CYP2C8: variants seen among roughly 807,000 people sequenced by gnomAD.
The protein encoded by CYP2C8 is cytochrome P450 family 2 subfamily C member 8.
Under a neutral mutation model 41.3 loss-of-function variants are expected in CYP2C8, and 51 were observed. That is an observed-to-expected ratio of 1.24 (90% CI 0.99 to 1.56). The LOEUF (loss-of-function observed/expected upper bound fraction) is 1.56, where lower values mean the gene tolerates loss of function less well. Ranked by LOEUF, CYP2C8 falls within the 40% of genes most tolerant of loss-of-function variation. The probability of loss-of-function intolerance (pLI) is 0.00; values close to 1 mark genes in which losing one functional copy is unlikely to be tolerated. For synonymous variants in CYP2C8, 218 were observed against 205.8 expected (o/e 1.06, Z -0.51); for missense variants, 651 against 579.9 (o/e 1.12, Z -1.26).
intron 5 of CYP2C8, among the ~76,000 whole-genome samples, chr10:95,053,564 C>T (rs1262597697): frequency 6.6e-6 from 1 of 152,150 alleles, no homozygotes; most frequent in African/African-American, 2.4e-5. Context: ...GGCACATATG[C>T]ACCATGGAGT....
rs2032891213 is a variant in CYP2C8, at chr10:95,036,838, T to C, written c.*290A>G. 2.5e-6 allele frequency: 1 copy of C among 398,630 alleles called. No homozygotes were observed. 24.7% of individuals were successfully genotyped at this position (398,630 alleles called of 1,614,324 possible). ...AAAAGAAATGGATCTAAATTATCAT[T>C]CATTAATCACTTTTCTGTGTTTTAC... is the stretch of plus-strand genomic sequence containing the variant. On this transcript the variant is annotated 3_prime_UTR_variant, in exon 9 of 9. Transcript: ENST00000371270.
intron 3 of CYP2C8, among the ~76,000 whole-genome samples, chr10:95,065,248 G>A (rs1287840551): frequency 6.6e-6 from 1 of 152,144 alleles, no homozygotes; most frequent in African/African-American, 2.4e-5. Flanking sequence ...GAAGGAAAAA[G>A]AAGACTTTTT....
chr10:95,042,445 AT>A (rs942013445), intron 7 of CYP2C8, among the ~76,000 whole-genome samples: 4 of 152,206 alleles, frequency 2.6e-5, no homozygotes, highest in Non-Finnish European at 5.9e-5. Context: ...AATATTAATT[AT>A]CTAGGAAAAA....
chr10:95,058,558 G>C, intron 4 of CYP2C8, 47 bp from the exon 5 acceptor site: 1 of 1,453,644 alleles, frequency 6.9e-7, no homozygotes, highest in Non-Finnish European at 9.5e-7. Flanking sequence ...TAAGATATAT[G>C]TATCTTACAC....
Position 95,067,299 on chromosome 10 carries a change from G to A in CYP2C8, c.390C>T (p.Thr130=), listed in dbSNP as rs923633609. 5 of 1,614,142 alleles carry A rather than the reference G, an allele frequency of 3.1e-6. No individual in the cohort carries two copies. Among genetic ancestry groups the A allele is most frequent in the East Asian group, 4.5e-5 (2 of 44,872 alleles). The part of the protein sequence containing the change: ...WKEIRRFSLT[T]LRNFGMGKRS... ...TCTTCCCCATCCCAAAATTCCGCAA[G>A]GTTGTGAGGGAGAAACGCCGGATCT... Residue 130 remains threonine, a synonymous_variant, in exon 3 of 9, where the codon ACC becomes ACT. Transcript: ENST00000371270.
intron 8 of CYP2C8, among the ~76,000 whole-genome samples, chr10:95,038,354 C>A (rs1043818854): frequency 3.3e-5 from 5 of 152,192 alleles, no homozygotes; most frequent in African/African-American, 1.2e-4. Flanking sequence ...AAGAAGCATG[C>A]AGAGTCCCCC....
At chr10:95,069,130 A>G in intron 1 of CYP2C8, 105 bp downstream of exon 1, 1 of 1,309,144 alleles carries the variant, frequency 7.6e-7, no homozygotes, top group Non-Finnish European at 1.1e-6. Flanking sequence ...TTGCTTTACA[A>G]TGATCTATTA....
chr10:95,061,618 G>GT (rs1254638581), intron 4 of CYP2C8, among the ~76,000 whole-genome samples: 14 of 152,128 alleles, frequency 9.2e-5, no homozygotes, highest in Admixed American at 3.3e-4. Flanking sequence ...TTTTTGAAGG[G>GT]TTTTTTGTGT....
intron 6 of CYP2C8, among the ~76,000 whole-genome samples, chr10:95,044,328 T>G (rs2033066509): frequency 6.6e-6 from 1 of 152,236 alleles, no homozygotes; most frequent in African/African-American, 2.4e-5. Context: ...GTTTGAATGC[T>G]GATATTTTAT....
chr10:95,054,395 G>C (rs2033272154), intron 5 of CYP2C8, among the ~76,000 whole-genome samples: 1 of 152,034 alleles, frequency 6.6e-6, no homozygotes, highest in South Asian at 2.1e-4. Flanking sequence ...GATATGAATA[G>C]AAGGGAAATT....
chr10:95,050,882 A>T (rs2033201826), intron 5 of CYP2C8, among the ~76,000 whole-genome samples: 1 of 152,010 alleles, frequency 6.6e-6, no homozygotes, highest in Admixed American at 6.6e-5. Context: ...GTACAAAAAA[A>T]ACCCCAGACT....
chr10:95,053,818 G>T (rs541333381), intron 5 of CYP2C8, among the ~76,000 whole-genome samples: 120 of 152,102 alleles, frequency 7.9e-4, no homozygotes, highest in African/African-American at 2.7e-3. Context: ...TAATTCATGC[G>T]GGGCTTAAAA....
At chr10:95,038,069 C>A (rs1051035973) in intron 8 of CYP2C8, among the ~76,000 whole-genome samples, 2 of 151,982 alleles carry the variant, frequency 1.3e-5, no homozygotes, top group African/African-American at 4.8e-5. Context: ...ATCTACAGTG[C>A]CAAATATAAA....
chr10:95,046,749 A>T (rs1045215658), intron 5 of CYP2C8, among the ~76,000 whole-genome samples: 4 of 13,296 alleles, frequency 3.0e-4, no homozygotes, highest in African/African-American at 2.0e-3. Context: ...TAAATATGGT[A>T]AAAAAAAAAA....
At chr10:95,063,562 A>T (rs1296192105) in intron 4 of CYP2C8, among the ~76,000 whole-genome samples, 1 of 152,086 alleles carries the variant, frequency 6.6e-6, no homozygotes, top group Non-Finnish European at 1.5e-5. Flanking sequence ...TAAGGTTTTT[A>T]ACTTCTTTGC....
At position 95,064,836 on chromosome 10, in the gene CYP2C8, A is replaced by G. The variant is rs374502349; in HGVS notation, c.606T>C (p.Asn202=). Residue 202 remains asparagine, a synonymous_variant, in exon 4 of 9, where the codon AAT becomes AAC. Transcript: ENST00000371270. ...GGGAGTTCAGAATCCTGAAGTTTTC[A>G]TTGAATCTTTTCATCAGGGTGAGAA... ...QNFLTLMKRF[N]ENFRILNSPW... 15 of 1,613,976 alleles carry G rather than the reference A, an allele frequency of 9.3e-6. No homozygotes were observed. The African/African-American group carries it at 1.5e-4, about 16-fold the overall frequency.
intron 1 of CYP2C8, among the ~76,000 whole-genome samples, chr10:95,068,086 A>C (rs930907342): frequency 6.6e-6 from 1 of 152,174 alleles, no homozygotes; most frequent in African/African-American, 2.4e-5. Context: ...TTGAGCAATT[A>C]ATCAATCCCC....
intron 4 of CYP2C8, among the ~76,000 whole-genome samples, chr10:95,059,653 T>A (rs183219149): frequency 2.0e-5 from 3 of 152,220 alleles, no homozygotes; most frequent in Non-Finnish European, 4.4e-5. Flanking sequence ...TTTTATTAGG[T>A]CCCATTTGTC....
At chr10:95,039,241 CTTGGATACTTG>C in intron 7 of CYP2C8, 1 of 568,380 alleles carries the variant, frequency 1.8e-6, no homozygotes, top group Non-Finnish European at 3.2e-6. Context: ...AGTCTTACAT[CTTGGATACTTG>C]TGTGCAACCT....
Sources: allele counts gnomAD v4.1 joint callset (sites outside exome capture counted in the v4.1 genomes callset), GRCh38; gene constraint gnomAD v4.1.1; transcripts MANE v1.5; gene names NCBI Gene and HGNC (gene_info 2026-07-23, HGNC 2026-07-21).